TOMM40: variants seen among roughly 807,000 people sequenced by gnomAD.
The protein encoded by TOMM40 is translocase of outer mitochondrial membrane 40.
A neutral mutation model predicts 38.4 loss-of-function variants in TOMM40; 9 were observed. That is an observed-to-expected ratio of 0.23 (90% CI 0.14 to 0.41). The LOEUF (loss-of-function observed/expected upper bound fraction) is 0.41, where lower values mean the gene tolerates loss of function less well. Among genes scored for constraint, TOMM40 ranks in the 10% least tolerant of loss-of-function variants. The pLI, the probability that TOMM40 is intolerant of heterozygous loss-of-function variation, is 1.00. For synonymous variants in TOMM40, 184 were observed against 210.0 expected, an observed-to-expected ratio of 0.88 and a Z score of 1.07; for missense variants, 299 against 486.5, an observed-to-expected ratio of 0.61 and a Z score of 3.63.
rs1310605194 is a variant in TOMM40 at position 44,897,774 on chromosome 19, C to A, written c.644-2956C>A. Among the ~76,000 whole-genome samples the A allele has an allele frequency of 1.3e-3, 113 of 89,440 alleles. 1 individual carries two copies. The highest frequency in any genetic ancestry group is 5.9e-3 in the African/African-American group (104 of 17,578). The allele number at this position is 89,440 out of a possible 152,430, so 58.7% of individuals were successfully genotyped here. ...GGGCAACAAGAGCAAAACGCCCCAT[C>A]TCAAAAAAAAAAAAAAAGAGAGAGA... On this transcript the variant is annotated intron_variant, in intron 5 of 8. Coordinates refer to ENST00000426677, the MANE Select transcript of TOMM40 (RefSeq NM_001128917.2).
intron 3 of TOMM40, 145 bp downstream of exon 3, chr19:44,893,074 G>C (rs1035544320): frequency 1.5e-6 from 1 of 655,942 alleles, no homozygotes; most frequent in African/African-American, 1.8e-5. Flanking sequence ...GGTGCACTGG[G>C]ACACAAATAA....
intron 2 of TOMM40, 104 bp downstream of exon 2, chr19:44,892,564 C>T (rs548104846): frequency 1.8e-6 from 2 of 1,124,414 alleles, no homozygotes; most frequent in African/African-American, 3.1e-5. Context: ...AGCTGGGCTC[C>T]CTGATACTTG....
At chr19:44,899,457 C>CT (rs1331324624) in intron 5 of TOMM40, among the ~76,000 whole-genome samples, 2 of 152,204 alleles carry the variant, frequency 1.3e-5, no homozygotes, top group African/African-American at 4.8e-5. Context: ...CGTCCACCCC[C>CT]TTAGTACCTG....
intron 5 of TOMM40, 86 bp from the exon 6 acceptor site, chr19:44,900,644 C>G (rs1969660912): frequency 6.2e-7 from 1 of 1,605,334 alleles, no homozygotes. Flanking sequence ...AAGCCTCCAG[C>G]CGGGGTGAGC....
chr19:44,900,549 C>T (rs1409368176), intron 5 of TOMM40, among the ~76,000 whole-genome samples, 181 bp from the exon 6 acceptor site: 2 of 152,176 alleles, frequency 1.3e-5, no homozygotes, highest in Non-Finnish European at 2.9e-5. Flanking sequence ...ATAGCAGGGC[C>T]TGGGACGCTG....
intron 5 of TOMM40, among the ~76,000 whole-genome samples, chr19:44,899,132 C>CA (rs531167978): frequency 0.024 from 1,957 of 82,448 alleles, 38 homozygotes; most frequent in African/African-American, 0.046. Context: ...GACTCCATCT[C>CA]AAAAAAAAAA....
In TOMM40 at chr19:44,894,010, G is replaced by T; in HGVS notation, c.587G>T (p.Gly196Val). The T allele has an allele frequency of 6.5e-7, 1 of 1,543,994 alleles. No individual in the cohort carries two copies. Among genetic ancestry groups the T allele is most frequent in the Non-Finnish European group, 8.8e-7 (1 of 1,142,322 alleles). The change falls in exon 5 of 9, where the codon GGC (glycine) becomes GTC (valine). Residue 196 changes from glycine to valine, a missense_variant. Gly to Val is a moderately radical substitution (Grantham distance 109). Coordinates refer to ENST00000426677, the MANE Select transcript of TOMM40 (RefSeq NM_001128917.2). ...VNWQVDGEYRGSDFTAAVTLG... is the reference protein window; with the variant it reads ...VNWQVDGEYRVSDFTAAVTLG... ...TGGCAGGTGGACGGGGAGTATCGGG[G>T]CTCTGACTTCACAGCAGCCGTCACC... is the stretch of plus-strand genomic sequence containing the variant.
At chr19:44,900,992 G>T in intron 6 of TOMM40, 36 bp from the exon 7 acceptor site, 1 of 1,613,144 alleles carries the variant, frequency 6.2e-7, no homozygotes, top group African/African-American at 1.3e-5. Context: ...AATCCCCTTG[G>T]TAATGAGACC....
At chr19:44,898,082 G>A (rs1178774994) in intron 5 of TOMM40, among the ~76,000 whole-genome samples, 1 of 151,988 alleles carries the variant, frequency 6.6e-6, no homozygotes, top group African/African-American at 2.4e-5. Context: ...CAGGGCACTG[G>A]CCATGAACTC....
chr19:44,900,710 G>A lies in TOMM40; in HGVS notation c.644-20G>A, dbSNP rs903861859. Reference sequence around the variant, plus strand: ...CTGGCACTCAGGGTGGGTGGAAACTGATCGTCATTTTGCCCACAGGAATCC... The same window carrying A: ...CTGGCACTCAGGGTGGGTGGAAACTAATCGTCATTTTGCCCACAGGAATCC... On this transcript the variant is annotated intron_variant, in intron 5 of 8. Transcript: ENST00000426677. 6.2e-7 allele frequency: 1 copy of A among 1,611,948 alleles called. No individual in the cohort carries two copies. Among genetic ancestry groups the A allele is most frequent in the Non-Finnish European group, 8.5e-7 (1 of 1,179,824 alleles).
chr19:44,892,907 C>T lies in TOMM40; in HGVS notation c.413C>T (p.Thr138Ile). The change falls in exon 3 of 9, where the codon ACA (threonine) becomes ATA (isoleucine). Residue 138 changes from threonine to isoleucine, a missense_variant. Thr to Ile is a moderately conservative substitution (Grantham distance 89). Transcript: ENST00000426677. Reference sequence around the variant, plus strand: ...CACTTCGGGGTCACATATGTGGGGACAAAGCAGCTGAGTCCCACAGAGGTG... The same window carrying T: ...CACTTCGGGGTCACATATGTGGGGATAAAGCAGCTGAGTCCCACAGAGGTG... ...NYHFGVTYVG[T>I]KQLSPTEAFP... 3 of 1,613,906 alleles carry T rather than the reference C, an allele frequency of 1.9e-6. No individual in the cohort carries two copies. Among genetic ancestry groups the T allele is most frequent in the Non-Finnish European group, 2.5e-6 (3 of 1,179,832 alleles).
intron 5 of TOMM40, among the ~76,000 whole-genome samples, chr19:44,897,786 A>AT (rs1226090013): frequency 6.8e-6 from 1 of 147,946 alleles, no homozygotes; most frequent in Non-Finnish European, 1.5e-5. Context: ...CAAAAAAAAA[A>AT]AAAAAGAGAG....
intron 5 of TOMM40, among the ~76,000 whole-genome samples, chr19:44,897,641 G>A (rs569748779): frequency 6.6e-6 from 1 of 151,982 alleles, no homozygotes; most frequent in East Asian, 2.0e-4. Flanking sequence ...TTGCGTCGTG[G>A]CACATGCGTG....
chr19:44,893,639 A>G (rs868571755), intron 3 of TOMM40, 141 bp from the exon 4 acceptor site: 1 of 647,842 alleles, frequency 1.5e-6, no homozygotes, highest in Non-Finnish European at 2.6e-6. Context: ...AGCCTAACTC[A>G]GCTTAGGTGG....
At chr19:44,893,689 G>T in intron 3 of TOMM40, 91 bp from the exon 4 acceptor site, 1 of 1,095,632 alleles carries the variant, frequency 9.1e-7, no homozygotes, top group South Asian at 1.6e-5. Flanking sequence ...CCCATCCGAG[G>T]CTTTCTGACC....
chr19:44,900,884 G>T (rs1969666698), intron 6 of TOMM40, 32 bp downstream of exon 6: 3 of 1,611,696 alleles, frequency 1.9e-6, no homozygotes, highest in South Asian at 1.1e-5. Context: ...GAGGGTGGAG[G>T]GGCTGGGCCC....
intron 5 of TOMM40, among the ~76,000 whole-genome samples, chr19:44,895,767 G>A (rs1212767110): frequency 3.9e-5 from 6 of 151,962 alleles, no homozygotes; most frequent in Non-Finnish European, 8.8e-5. Context: ...GGCTGATCTC[G>A]AACTTCTTAC....
intron 8 of TOMM40, 157 bp downstream of exon 8, chr19:44,901,467 G>A: frequency 6.8e-7 from 1 of 1,467,830 alleles, no homozygotes; most frequent in Non-Finnish European, 9.0e-7. Context: ...GTGGGGCCGG[G>A]TGCGGTGGCT....
In TOMM40 at chr19:44,894,029, C is replaced by T. The variant is rs201592778; in HGVS notation, c.606C>T (p.Ala202=). 37 of 1,531,198 alleles carry T rather than the reference C, an allele frequency of 2.4e-5. No individual in the cohort carries two copies. Among genetic ancestry groups the T allele is most frequent in the African/African-American group, 1.1e-4 (8 of 72,508 alleles). 94.9% of individuals were successfully genotyped at this position (1,531,198 alleles called of 1,614,324 possible). A position where few individuals can be genotyped will look rare whatever the true frequency, so the allele number is the denominator to read the frequency against. ...ATCGGGGCTCTGACTTCACAGCAGC[C>T]GTCACCCTGGGGAACCCAGACGTCC... ...GEYRGSDFTA[A]VTLGNPDVLV... Residue 202 remains alanine (A), a synonymous_variant, in exon 5 of 9, where the codon GCC becomes GCT. Coordinates refer to ENST00000426677, the MANE Select transcript of TOMM40 (RefSeq NM_001128917.2).
Sources: gnomAD v4.1 joint callset for allele counts (sites outside exome capture counted in the v4.1 genomes callset) on GRCh38, gnomAD v4.1.1 for gene constraint, MANE v1.5 for transcripts, NCBI Gene and HGNC (gene_info 2026-07-23, HGNC 2026-07-21) for gene names.